Variants in CYRIB observed in about 807,000 individuals in gnomAD.
The protein encoded by CYRIB is CYFIP related Rac1 interactor B, also known as CYFIP-related Rac1 interactor B.
A neutral mutation model predicts 44.2 loss-of-function variants in CYRIB; 8 were observed. The observed-to-expected ratio is 0.18, with a 90% CI of 0.11 to 0.33. CYRIB has a LOEUF of 0.33. Among genes scored for constraint, CYRIB ranks in the 10% least tolerant of loss-of-function variants. The pLI, the probability that CYRIB is intolerant of heterozygous loss-of-function variation, is 1.00. For synonymous variants in CYRIB, 131 were observed against 127.2 expected, an observed-to-expected ratio of 1.03 and a Z score of -0.20; for missense variants, 185 against 382.8, an observed-to-expected ratio of 0.48 and a Z score of 4.31.
intron 3 of CYRIB, 112 bp from the exon 6 acceptor site, chr8:129,871,608 T>A: frequency 9.4e-7 from 1 of 1,061,108 alleles, no homozygotes; most frequent in Non-Finnish European, 1.4e-6. Context: ...TAATTCTAGT[T>A]AATGTTAACT....
intron 4 of CYRIB, among the ~76,000 whole-genome samples, chr8:129,868,309 A>T (rs2054982993): frequency 6.6e-6 from 1 of 152,230 alleles, no homozygotes; most frequent in South Asian, 2.1e-4. Flanking sequence ...CAGTAGATTT[A>T]AATGCAGCTT....
intron 3 of CYRIB, among the ~76,000 whole-genome samples, chr8:129,874,188 A>C (rs2058344483): frequency 6.6e-6 from 1 of 152,106 alleles, no homozygotes; most frequent in Non-Finnish European, 1.5e-5. Context: ...AGCTTACAAA[A>C]GGACATGCAA....
intron 1 of CYRIB, among the ~76,000 whole-genome samples, chr8:129,907,172 T>C (rs924544334): frequency 1.3e-5 from 2 of 152,230 alleles, no homozygotes; most frequent in South Asian, 2.1e-4. Flanking sequence ...GTGGCACTAT[T>C]CACAATAGCA....
chr8:129,989,872 C>T (rs1245055920), intron 1 of CYRIB, among the ~76,000 whole-genome samples: 4 of 149,228 alleles, frequency 2.7e-5, no homozygotes, highest in African/African-American at 7.4e-5. Context: ...TCAACTCCCA[C>T]CTATGAGTGA....
intron 2 of CYRIB, among the ~76,000 whole-genome samples, chr8:129,945,642 C>G (rs946101701): frequency 1.3e-5 from 2 of 152,192 alleles, no homozygotes; most frequent in Admixed American, 1.3e-4. Flanking sequence ...AATCTCCACT[C>G]ACTGCAGCCT....
At chr8:130,015,595 T>C (rs897051) in intron 1 of CYRIB, among the ~76,000 whole-genome samples, 57,296 of 151,804 alleles carry the variant, frequency 0.38, 11,700 homozygotes, top group East Asian at 0.6. Flanking sequence ...AAAGGCACAC[T>C]CCAAGTAGCT....
At chr8:129,877,663 G>GGTGTGTGTGTGTGT (rs5895011) in intron 3 of CYRIB, among the ~76,000 whole-genome samples, 4 of 130,684 alleles carry the variant, frequency 3.1e-5, no homozygotes, top group African/African-American at 1.3e-4. Flanking sequence ...AAAAAAAAAA[G>GGTGTGTGTGTGTGT]GTGTGTGTGT....
chr8:129,869,905 G>A (rs2449415), intron 4 of CYRIB, among the ~76,000 whole-genome samples: 76,232 of 145,794 alleles, frequency 0.52, 19,423 homozygotes, highest in African/African-American at 0.6. Flanking sequence ...CCCAAAAAAA[G>A]GAATGGTTCC....
intron 1 of CYRIB, among the ~76,000 whole-genome samples, chr8:129,909,852 C>A (rs908243255): frequency 6.6e-6 from 1 of 152,212 alleles, no homozygotes; most frequent in South Asian, 2.1e-4. Context: ...CACGCTCTTG[C>A]CTACTGACAA....
At chr8:129,979,391 T>C (rs1398777781) in intron 1 of CYRIB, among the ~76,000 whole-genome samples, 3 of 152,148 alleles carry the variant, frequency 2.0e-5, no homozygotes, top group Non-Finnish European at 2.9e-5. Context: ...TGCTAACATA[T>C]GAAGGAATAA....
intron 1 of CYRIB, among the ~76,000 whole-genome samples, chr8:129,909,857 T>C (rs1233443767): frequency 6.6e-6 from 1 of 152,232 alleles, no homozygotes; most frequent in Non-Finnish European, 1.5e-5. Context: ...TCTTGCCTAC[T>C]GACAAACATA....
At chr8:129,885,838 C>T (rs895285851) in intron 2 of CYRIB, among the ~76,000 whole-genome samples, 28 of 151,914 alleles carry the variant, frequency 1.8e-4, no homozygotes, top group African/African-American at 6.3e-4. Context: ...TTCTCATGAT[C>T]TCTTAAAAAA....
intron 1 of CYRIB, among the ~76,000 whole-genome samples, chr8:129,930,264 C>T (rs890499818): frequency 3.4e-5 from 5 of 148,142 alleles, no homozygotes; most frequent in African/African-American, 9.9e-5. Context: ...CTTATGAGAC[C>T]CTAACAAGAT....
At chr8:129,919,888 CAGA>C (rs2137011980) in intron 1 of CYRIB, among the ~76,000 whole-genome samples, 1 of 152,142 alleles carries the variant, frequency 6.6e-6, no homozygotes, top group Admixed American at 6.5e-5. Flanking sequence ...TCCAAGAATT[CAGA>C]AGAACACCGG....
chr8:129,975,105 G>C (rs556571558), intron 1 of CYRIB, among the ~76,000 whole-genome samples: 1 of 151,782 alleles, frequency 6.6e-6, no homozygotes, highest in Admixed American at 6.6e-5. Context: ...GGTCTCGAAC[G>C]CCTGACCTCA....
intron 1 of CYRIB, among the ~76,000 whole-genome samples, chr8:130,011,277 T>C (rs112968103): frequency 0.097 from 14,711 of 152,024 alleles, 916 homozygotes; most frequent in African/African-American, 0.18. Flanking sequence ...TCCCAGCACA[T>C]TGGGAGGCTG....
chr8:129,888,671 T>C (rs971225469), intron 2 of CYRIB, among the ~76,000 whole-genome samples: 9 of 152,180 alleles, frequency 5.9e-5, no homozygotes, highest in African/African-American at 2.2e-4. Context: ...GTTACTCTTA[T>C]CTATTTACTC....
At chr8:129,920,722 C>A (rs947037110) in intron 1 of CYRIB, among the ~76,000 whole-genome samples, 1 of 152,138 alleles carries the variant, frequency 6.6e-6, no homozygotes, top group African/African-American at 2.4e-5. Flanking sequence ...TGCTACCCTA[C>A]TCATTCACTA....
intron 1 of CYRIB, among the ~76,000 whole-genome samples, chr8:129,984,637 G>A (rs2096381754): frequency 6.6e-6 from 1 of 152,106 alleles, no homozygotes; most frequent in South Asian, 2.1e-4. Context: ...AAACAGGCAG[G>A]CTCTACCAGT....
Sources: gnomAD v4.1 joint callset for allele counts (sites outside exome capture counted in the v4.1 genomes callset) on GRCh38, gnomAD v4.1.1 for gene constraint, MANE v1.5 for transcripts, NCBI Gene and HGNC (gene_info 2026-07-23, HGNC 2026-07-21) for gene names.